The following ICE2 variants were observed in gnomAD, a reference collection of about 807,000 sequenced individuals.
ICE2 encodes the protein little elongation complex subunit 2.
A neutral mutation model predicts 105.4 loss-of-function variants in ICE2; 87 were observed. That is an observed-to-expected ratio of 0.83 (90% confidence interval 0.69 to 0.99). The LOEUF (loss-of-function observed/expected upper bound fraction) is 0.99, where lower values mean the gene tolerates loss of function less well. Ranked by LOEUF, ICE2 falls within the 50% of genes least tolerant of loss-of-function variation. The probability of loss-of-function intolerance (pLI) is 0.00; values close to 1 mark genes in which losing one functional copy is unlikely to be tolerated. For synonymous variants in ICE2, 399 were observed against 392.0 expected (o/e 1.02, Z -0.21); for missense variants, 1,323 against 1,146.7 (o/e 1.15, Z -2.22).
Position 60,466,670 on chromosome 15 carries a change from T to G in ICE2, c.452A>C (p.Lys151Thr), listed in dbSNP as rs748936658. ...TTTCTTTGCAGAATTCTGCAAAAAC[T>G]TTAGGAACTCAGTAACTTCTTCGTT... ...HVNEEVTEFL[K>T]FLQNSAKKCA... The change falls in exon 5 of 16, where the codon AAG (lysine) becomes ACG (threonine). Residue 151 changes from lysine to threonine, a missense_variant. By Grantham distance (78) the Lys-to-Thr change is moderately conservative. Coordinates refer to ENST00000261520, the MANE Select transcript of ICE2 (RefSeq NM_024611.6). The G allele has an allele frequency of 1.9e-6, 3 of 1,610,544 alleles. No individual in the cohort carries two copies. Among genetic ancestry groups the G allele is most frequent in the African/African-American group, 2.7e-5 (2 of 75,016 alleles).
At chr15:60,453,935 G>C (rs2064031453) in intron 8 of ICE2, 151 bp from the exon 9 acceptor site, 1 of 605,412 alleles carries the variant, frequency 1.7e-6, no homozygotes, top group African/African-American at 1.9e-5. Flanking sequence ...TAGACTAGCA[G>C]ATATTAAAGT....
At chr15:60,478,131 G>T in intron 1 of ICE2, 62 bp from the exon 2 acceptor site, 1 of 679,114 alleles carries the variant, frequency 1.5e-6, no homozygotes, top group Non-Finnish European at 2.6e-6. Context: ...GTGCTATTAG[G>T]TGAGGAAGAA....
chr15:60,468,712 G>GT (rs1290531410), intron 3 of ICE2, among the ~76,000 whole-genome samples: 3 of 152,002 alleles, frequency 2.0e-5, no homozygotes, highest in Admixed American at 2.0e-4. Context: ...AGTTAATATG[G>GT]TGAATAAAAG....
chr15:60,436,376 A>C (rs1353361026), intron 12 of ICE2, 149 bp from the exon 13 acceptor site: 1 of 431,652 alleles, frequency 2.3e-6, no homozygotes, highest in Non-Finnish European at 4.2e-6. Flanking sequence ...ACATTTTATT[A>C]AGTCTTAAGT....
intron 3 of ICE2, among the ~76,000 whole-genome samples, chr15:60,472,082 C>A (rs1014260072): frequency 1.3e-5 from 2 of 151,770 alleles, no homozygotes; most frequent in Non-Finnish European, 2.9e-5. Context: ...TTTACAGTGG[C>A]TATTTCTACA....
At chr15:60,478,534 G>A (rs186085017) in intron 1 of ICE2, 46 of 199,326 alleles carry the variant, frequency 2.3e-4, no homozygotes, top group Non-Finnish European at 4.2e-5. Context: ...AAGACTTGAG[G>A]TCAACTTAAG....
intron 2 of ICE2, among the ~76,000 whole-genome samples, chr15:60,477,072 C>T (rs1164508425): frequency 1.3e-5 from 2 of 152,182 alleles, no homozygotes; most frequent in African/African-American, 4.8e-5. Context: ...TTGCTCCATA[C>T]TCTTCTCCTT....
chr15:60,430,206 G>A (rs1017381767), intron 14 of ICE2, among the ~76,000 whole-genome samples: 4 of 152,152 alleles, frequency 2.6e-5, no homozygotes, highest in African/African-American at 9.7e-5. Context: ...AGGGAGATGC[G>A]ACTGTACAAC....
At chr15:60,475,485 A>T (rs1296113742) in intron 3 of ICE2, among the ~76,000 whole-genome samples, 1 of 152,196 alleles carries the variant, frequency 6.6e-6, no homozygotes, top group Non-Finnish European at 1.5e-5. Context: ...AAGGGAACAC[A>T]ACGTTTTGCA....
intron 3 of ICE2, among the ~76,000 whole-genome samples, chr15:60,470,283 T>G (rs1001172777): frequency 6.6e-6 from 1 of 152,122 alleles, no homozygotes; most frequent in South Asian, 2.1e-4. Context: ...GTTTCCAAAG[T>G]GAACACACCA....
intron 3 of ICE2, among the ~76,000 whole-genome samples, chr15:60,475,305 C>T (rs1377161724): frequency 6.6e-6 from 1 of 152,090 alleles, no homozygotes; most frequent in African/African-American, 2.4e-5. Context: ...ACTTAATAGT[C>T]ATTAAATATC....
rs2063585304 is a variant in ICE2, at chr15:60,436,283, A to G, written c.2426-56T>C. ...AAGCAATTGCAGTATTTAGAAAAAAAAAAAACCAAGTTATCCTGTCTCCTT... is the reference window on the plus strand; with the variant it reads ...AAGCAATTGCAGTATTTAGAAAAAAGAAAAACCAAGTTATCCTGTCTCCTT... On this transcript the variant is annotated intron_variant, in intron 12 of 15. Coordinates refer to ENST00000261520, the MANE Select transcript of ICE2 (RefSeq NM_024611.6). 1.7e-5 allele frequency: 11 copies of G among 653,614 alleles called. No homozygotes were observed. In the Admixed American group the frequency reaches 4.1e-4, roughly 24 times the overall value. The allele number at this position is 653,614 out of a possible 1,614,324, so 40.5% of individuals were successfully genotyped here. A position where few individuals can be genotyped will look rare whatever the true frequency, so the allele number is the denominator to read the frequency against.
rs922070999 is a variant in ICE2, at chr15:60,454,822, A to G, written c.943+181T>C. 1.4e-5 allele frequency: 7 copies of G among 485,152 alleles called. No individual in the cohort carries two copies. In the South Asian group the frequency reaches 2.7e-4, roughly 18 times the overall value. The allele number at this position is 485,152 out of a possible 1,614,324, so 30.1% of individuals were successfully genotyped here. On this transcript the variant is annotated intron_variant, in intron 8 of 15. Transcript: ENST00000261520. ...CATCTAGGTTTTAAGCCCTGCACGA[A>G]TTAGGTATTTGTCCTAATGCTCTCT... is the stretch of plus-strand genomic sequence containing the variant.
At chr15:60,454,759 A>G (rs2064054971) in intron 8 of ICE2, 1 of 362,492 alleles carries the variant, frequency 2.8e-6, no homozygotes, top group Non-Finnish European at 4.9e-6. Flanking sequence ...ACATAGCTAT[A>G]CATGTGCCAT....
chr15:60,439,075 C>G (rs917195304), intron 12 of ICE2: 1 of 152,192 alleles, frequency 6.6e-6, no homozygotes, highest in Non-Finnish European at 1.5e-5. Context: ...TAGGTAGGTA[C>G]TCCTTGCTTT....
intron 3 of ICE2, 110 bp from the exon 4 acceptor site, chr15:60,468,432 A>G (rs1023608258): frequency 1.2e-6 from 1 of 830,892 alleles, no homozygotes; most frequent in African/African-American, 1.7e-5. Context: ...TTAACAGAGT[A>G]AACTCTGGAT....
Position 60,421,289 on chromosome 15 carries a change from C to A in ICE2, c.*2345G>T. On this transcript the variant is annotated 3_prime_UTR_variant, in exon 16 of 16. Transcript: ENST00000261520. ...GGAGTGCAGTGGCACCATCATAGCT[C>A]ACTGCAGCCTCAAACTCCTAGACTC... 6.6e-6 allele frequency: 1 copy of A among 152,214 alleles called. No homozygotes were observed. Among genetic ancestry groups the A allele is most frequent in the South Asian group, 2.1e-4 (1 of 4,834 alleles). 9.4% of individuals were successfully genotyped at this position (152,214 alleles called of 1,614,324 possible). A position where few individuals can be genotyped will look rare whatever the true frequency, so the allele number is the denominator to read the frequency against.
chr15:60,435,064 C>T (rs1046878199), intron 13 of ICE2, among the ~76,000 whole-genome samples: 6 of 151,532 alleles, frequency 4.0e-5, no homozygotes, highest in Admixed American at 1.3e-4. Context: ...GGGTGGATCA[C>T]GAGGTCAGGA....
intron 5 of ICE2, among the ~76,000 whole-genome samples, chr15:60,460,055 T>C (rs141607447): frequency 2.0e-5 from 3 of 152,300 alleles, no homozygotes; most frequent in East Asian, 1.9e-4. Context: ...ACCTAGATTT[T>C]TGTAGAAATG....
Sources: gnomAD v4.1 joint callset for allele counts (sites outside exome capture counted in the v4.1 genomes callset) on GRCh38, gnomAD v4.1.1 for gene constraint, MANE v1.5 for transcripts, NCBI Gene and HGNC (gene_info 2026-07-23, HGNC 2026-07-21) for gene names.